Variants in PRKAR1A observed in about 807,000 individuals in gnomAD.
PRKAR1A encodes the protein cAMP-dependent protein kinase type I-alpha regulatory subunit.
A neutral mutation model predicts 52.0 loss-of-function variants in PRKAR1A; 3 were observed. The observed-to-expected ratio is 0.06, with a 90% CI of 0.03 to 0.15. The LOEUF (loss-of-function observed/expected upper bound fraction) is 0.15. Among genes scored for constraint, PRKAR1A ranks in the 10% least tolerant of loss-of-function variants. PRKAR1A has a pLI of 1.00. For missense variants in PRKAR1A, 240 were observed against 477.4 expected (o/e 0.50, Z 4.63); for synonymous variants, 188 against 168.4 (o/e 1.12, Z -0.90).
At chr17:68,520,299 G>T (rs2085564454) in intron 2 of PRKAR1A, among the ~76,000 whole-genome samples, 1 of 152,142 alleles carries the variant, frequency 6.6e-6, no homozygotes, top group African/African-American at 2.4e-5. Context: ...GAAGCAGGGA[G>T]GGAACAAATA....
At chr17:68,452,571 A>T in the PRKAR1A span, among the ~76,000 whole-genome samples, 1 of 152,226 alleles carries the variant, frequency 6.6e-6, no homozygotes, top group Non-Finnish European at 1.5e-5. Context: ...TCTCAAAAAA[A>T]GAAAGAAAGA....
the PRKAR1A span, among the ~76,000 whole-genome samples, chr17:68,441,656 G>A: frequency 6.6e-6 from 1 of 152,192 alleles, no homozygotes; most frequent in African/African-American, 2.4e-5. Flanking sequence ...GACAGAGAGG[G>A]CTGCGGAGTG....
At position 68,532,483 on chromosome 17, in the gene PRKAR1A, C is replaced by T. The variant is rs1368460272; in HGVS notation, c.*2034C>T. ...ATAAGTCTACATTAAACAATGATCA[C>T]ATCTAAAGCTTTATCTTTGTGTAAT... is the stretch of plus-strand genomic sequence containing the variant. On this transcript the variant is annotated 3_prime_UTR_variant, in exon 11 of 11. Coordinates refer to ENST00000589228, the MANE Select transcript of PRKAR1A (RefSeq NM_002734.5). The T allele has an allele frequency of 9.4e-7, 1 of 1,060,594 alleles. No individual in the cohort carries two copies. The highest frequency in any genetic ancestry group is 1.1e-6 in the Non-Finnish European group (1 of 874,886). 65.7% of individuals were successfully genotyped at this position (1,060,594 alleles called of 1,614,324 possible). A position where few individuals can be genotyped will look rare whatever the true frequency, so the allele number is the denominator to read the frequency against.
chr17:68,489,436 G>T, the PRKAR1A span, among the ~76,000 whole-genome samples: 1 of 72,104 alleles, frequency 1.4e-5, no homozygotes, highest in African/African-American at 4.4e-5. Context: ...TATATATATG[G>T]AAAGTATATA....
chr17:68,437,948 T>TAAAAAAAAAAAAAAAAACA, the PRKAR1A span, among the ~76,000 whole-genome samples: 1 of 78,806 alleles, frequency 1.3e-5, no homozygotes, highest in African/African-American at 4.8e-5. Flanking sequence ...ACATCTCTCT[T>TAAAAAAAAAAAAAAAAACA]AAAAAAAAAA....
intron 9 of PRKAR1A, 66 bp from the exon 10 acceptor site, chr17:68,529,854 T>G: frequency 2.1e-6 from 3 of 1,440,868 alleles, no homozygotes; most frequent in Non-Finnish European, 2.9e-6. Flanking sequence ...TTGCATAGGA[T>G]GTTTAAGGTG....
the PRKAR1A span, chr17:68,436,332 C>T: frequency 1.3e-6 from 2 of 1,562,112 alleles, no homozygotes; most frequent in Non-Finnish European, 1.8e-6. Context: ...CTTCCATGAC[C>T]ACACAGCCAA....
At chr17:68,521,036 G>C (rs1285940633) in intron 2 of PRKAR1A, among the ~76,000 whole-genome samples, 3 of 152,104 alleles carry the variant, frequency 2.0e-5, no homozygotes, top group African/African-American at 7.2e-5. Context: ...CTGCCTCCTG[G>C]GTTCAGGCGA....
chr17:68,515,743 A>C (rs1400265647), intron 2 of PRKAR1A, 167 bp downstream of exon 2: 1 of 867,366 alleles, frequency 1.2e-6, no homozygotes, highest in Non-Finnish European at 1.7e-6. Flanking sequence ...AGTAATTTAA[A>C]AATTCTTAAT....
At chr17:68,537,544 C>T, downstream of PRKAR1A, 1 of 1,613,710 alleles carries the variant, frequency 6.2e-7, no homozygotes, top group Non-Finnish European at 8.5e-7. This position sits in a 1 kb window ranked among gnomAD's most constrained non-coding sequence, Gnocchi z 4.2. Context: ...GACTATGACA[C>T]TCTGCTGTCC....
At chr17:68,465,160 C>T in the PRKAR1A span, among the ~76,000 whole-genome samples, 2 of 151,996 alleles carry the variant, frequency 1.3e-5, no homozygotes, top group African/African-American at 4.8e-5. Flanking sequence ...TCTCCATCAC[C>T]TGACCTCGTG....
the PRKAR1A span, among the ~76,000 whole-genome samples, chr17:68,457,874 C>T: frequency 6.6e-6 from 1 of 152,154 alleles, no homozygotes; most frequent in South Asian, 2.1e-4. Context: ...ATTGCCGGAG[C>T]CGCCCAGCTG....
chr17:68,508,554 A>G (rs1167057277), upstream of PRKAR1A, among the ~76,000 whole-genome samples: 1 of 152,212 alleles, frequency 6.6e-6, no homozygotes, highest in Non-Finnish European at 1.5e-5. Flanking sequence ...GCAAGGATTT[A>G]AAAACTATTG....
intron 11 of PRKAR1A, chr17:68,542,922 G>T: frequency 1.3e-6 from 1 of 798,730 alleles, no homozygotes; most frequent in South Asian, 1.4e-5. Context: ...CAGGAGGGTG[G>T]CCGGTGAGGC....
At chr17:68,426,633 A>G in the PRKAR1A span, among the ~76,000 whole-genome samples, 1 of 152,204 alleles carries the variant, frequency 6.6e-6, no homozygotes, top group Non-Finnish European at 1.5e-5. Flanking sequence ...CTCTGGTTCA[A>G]GCAATTCTCC....
the PRKAR1A span, among the ~76,000 whole-genome samples, chr17:68,457,153 G>A: frequency 2.6e-5 from 4 of 152,102 alleles, no homozygotes; most frequent in East Asian, 7.7e-4. Context: ...AGTGGGGTGG[G>A]GTGGGGGGTG....
chr17:68,485,660 T>C, the PRKAR1A span, among the ~76,000 whole-genome samples: 1 of 152,154 alleles, frequency 6.6e-6, no homozygotes, highest in East Asian at 1.9e-4. Flanking sequence ...CTCCAATTAT[T>C]CTTGCGAGGC....
chr17:68,529,856 T>G, intron 9 of PRKAR1A, 64 bp from the exon 10 acceptor site: 1 of 1,500,354 alleles, frequency 6.7e-7, no homozygotes, highest in Non-Finnish European at 9.3e-7. Context: ...GCATAGGATG[T>G]TTAAGGTGCC....
chr17:68,463,763 G>GGAGTGGGGAGAA, the PRKAR1A span, among the ~76,000 whole-genome samples: 4 of 152,168 alleles, frequency 2.6e-5, no homozygotes, highest in Admixed American at 6.5e-5. Flanking sequence ...CAGGGCCGCT[G>GGAGTGGGGAGAA]GAGTGGGGAG....
Sources: gnomAD v4.1 joint callset for allele counts (sites outside exome capture counted in the v4.1 genomes callset) on GRCh38, gnomAD v4.1.1 for gene constraint, Gnocchi (gnomAD v3.1) non-coding constraint, MANE v1.5 for transcripts, NCBI Gene and HGNC (gene_info 2026-07-23, HGNC 2026-07-21) for gene names.